The following TAB2 variants were observed in gnomAD, a reference collection of about 807,000 sequenced individuals.
TAB2 encodes the protein TGF-beta activated kinase 1 (MAP3K7) binding protein 2.
TAB2 carries 3 observed loss-of-function variants against 65.0 expected under a neutral mutation model. The observed-to-expected ratio is 0.05, with a 90% confidence interval of 0.02 to 0.12. The LOEUF is 0.12. Ranked by LOEUF, TAB2 falls within the 10% of genes least tolerant of loss-of-function variation. The probability of loss-of-function intolerance (pLI) is 1.00; values close to 1 mark genes in which losing one functional copy is unlikely to be tolerated. For synonymous variants in TAB2, 298 were observed against 285.1 expected, an observed-to-expected ratio of 1.05 and a Z score of -0.46; for missense variants, 623 against 840.3, an observed-to-expected ratio of 0.74 and a Z score of 3.20.
In TAB2 at chr6:149,400,679, A is replaced by G. The variant is rs200127080; in HGVS notation, c.1939+1495A>G. 51 of 1,613,388 alleles carry G rather than the reference A, an allele frequency of 3.2e-5. No individual in the cohort carries two copies. The African/African-American group carries it at 6.0e-4, about 19-fold the overall frequency. ...AACAGCCTACGGGAGGTGTCTACTG[A>G]AAAGGGAACCTGCTTCTTTACTCCA... On this transcript the variant is annotated intron_variant, in intron 6 of 6. Coordinates refer to ENST00000637181, the MANE Select transcript of TAB2 (RefSeq NM_001292034.3).
rs546979934 is a variant in TAB2, at chr6:149,286,731, G to A, written c.-121+67955G>A. Among the ~76,000 whole-genome samples the A allele has an allele frequency of 8.7e-4, 133 of 152,272 alleles. 1 individual carries two copies. Among genetic ancestry groups the A allele is most frequent in the East Asian group, 2.1e-3 (11 of 5,190 alleles). On this transcript the variant is annotated intron_variant, in intron 1 of 1. Transcript: ENST00000606202. ...GTATCAAGCTATGATTTCAATATAC[G>A]TTGGCATATTTAGCAGCTCTTAAAA...
intron 3 of TAB2, among the ~76,000 whole-genome samples, chr6:149,392,094 T>C (rs1334014141): frequency 6.7e-6 from 1 of 148,652 alleles, no homozygotes; most frequent in East Asian, 2.0e-4. Context: ...TTTCTTTGTT[T>C]ATGCAGACCT....
At chr6:149,224,033 C>T (rs1777215031) in intron 1 of TAB2, among the ~76,000 whole-genome samples, 1 of 152,184 alleles carries the variant, frequency 6.6e-6, no homozygotes, top group African/African-American at 2.4e-5. Context: ...GCCAAAACTT[C>T]ATCTTTTCAG....
At chr6:149,334,889 T>C (rs1779888153) in intron 1 of TAB2, among the ~76,000 whole-genome samples, 1 of 152,154 alleles carries the variant, frequency 6.6e-6, no homozygotes, top group Non-Finnish European at 1.5e-5. Flanking sequence ...CAGAAGCATG[T>C]CATTTATAAT....
intron 1 of TAB2, among the ~76,000 whole-genome samples, chr6:149,249,783 T>G (rs1777822414): frequency 6.6e-6 from 1 of 152,224 alleles, no homozygotes; most frequent in Non-Finnish European, 1.5e-5. Context: ...AGTCAGTAAC[T>G]GCCTACTTGG....
intron 1 of TAB2, among the ~76,000 whole-genome samples, chr6:149,330,887 T>C (rs1779762885): frequency 6.6e-6 from 1 of 152,170 alleles, no homozygotes; most frequent in Non-Finnish European, 1.5e-5. Flanking sequence ...CTATCCTTCC[T>C]TTATTGAATT....
chr6:149,369,765 G>A (rs1781158677), intron 1 of TAB2, 144 bp from the exon 2 acceptor site: 1 of 600,442 alleles, frequency 1.7e-6, no homozygotes, highest in African/African-American at 1.9e-5. Flanking sequence ...ATAACTATAT[G>A]GAAAGCATTT....
At chr6:149,334,911 T>C (rs1779888747) in intron 1 of TAB2, among the ~76,000 whole-genome samples, 1 of 152,116 alleles carries the variant, frequency 6.6e-6, no homozygotes, top group Non-Finnish European at 1.5e-5. Context: ...AACAGAGAAA[T>C]ACATTAGTGA....
chr6:149,399,765 A>G (rs561682914), intron 6 of TAB2, among the ~76,000 whole-genome samples: 3 of 152,336 alleles, frequency 2.0e-5, no homozygotes, highest in Non-Finnish European at 2.9e-5. Context: ...AGGTAAAAAT[A>G]TAGACATATT....
At chr6:149,331,337 T>C (rs1779776669) in intron 1 of TAB2, among the ~76,000 whole-genome samples, 1 of 152,192 alleles carries the variant, frequency 6.6e-6, no homozygotes, top group Non-Finnish European at 1.5e-5. Context: ...ATACTGTGTT[T>C]TTAATTCTGA....
intron 1 of TAB2, among the ~76,000 whole-genome samples, chr6:149,248,804 G>A (rs1044829222): frequency 1.3e-5 from 2 of 152,102 alleles, no homozygotes; most frequent in African/African-American, 2.4e-5. Context: ...GGCCTGTTTT[G>A]TGAGCTGTGT....
chr6:149,340,721 T>G (rs1423625613), intron 1 of TAB2, among the ~76,000 whole-genome samples: 1 of 152,162 alleles, frequency 6.6e-6, no homozygotes, highest in African/African-American at 2.4e-5. Context: ...CCTTTCCCCT[T>G]CTTTCTGAGG....
intron 2 of TAB2, among the ~76,000 whole-genome samples, chr6:149,373,592 G>A (rs1367365294): frequency 6.6e-6 from 1 of 152,178 alleles, no homozygotes; most frequent in Non-Finnish European, 1.5e-5. Flanking sequence ...GAATGCCATA[G>A]GGTATATATG....
chr6:149,379,153 C>G lies in TAB2; in HGVS notation c.1238C>G (p.Ser413Cys). ...NQPTLFISTN[S>C]GASAASRNMS... ...CCCACACTCTTCATATCCACAAACT[C>G]TGGAGCATCTGCTGCCTCCAGGAAC... Residue 413 changes from serine to cysteine, a missense_variant, in exon 3 of 7, where the codon TCT becomes TGT. By Grantham distance (112) the Ser-to-Cys change is moderately radical (BLOSUM62 -1). Coordinates refer to ENST00000637181, the MANE Select transcript of TAB2 (RefSeq NM_001292034.3). 6.2e-7 allele frequency: 1 copy of G among 1,614,242 alleles called. No individual in the cohort carries two copies. The highest frequency in any genetic ancestry group is 8.5e-7 in the Non-Finnish European group (1 of 1,180,046).
At chr6:149,394,114 T>C (rs1782088138) in intron 3 of TAB2, among the ~76,000 whole-genome samples, 1 of 152,174 alleles carries the variant, frequency 6.6e-6, no homozygotes, top group Admixed American at 6.5e-5. Context: ...TAAGTTTTTT[T>C]TGTTCTTTTT....
At chr6:149,332,740 G>A (rs994798935) in intron 1 of TAB2, among the ~76,000 whole-genome samples, 4 of 152,112 alleles carry the variant, frequency 2.6e-5, no homozygotes, top group Admixed American at 6.6e-5. Context: ...ATGAAAAACA[G>A]GAATGTAAAA....
intron 1 of TAB2, among the ~76,000 whole-genome samples, chr6:149,219,884 C>T (rs903273329): frequency 6.6e-6 from 1 of 152,186 alleles, no homozygotes. Flanking sequence ...CCTCTTTACG[C>T]TCTTAAAAAT....
chr6:149,313,656 T>C (rs1474236374), upstream of TAB2, among the ~76,000 whole-genome samples: 5 of 152,224 alleles, frequency 3.3e-5, no homozygotes, highest in Non-Finnish European at 5.9e-5. Context: ...TTTCCTCCCA[T>C]AACTTCTTCT....
chr6:149,346,278 A>G (rs1466974739), intron 1 of TAB2, among the ~76,000 whole-genome samples: 1 of 152,068 alleles, frequency 6.6e-6, no homozygotes, highest in East Asian at 1.9e-4. Context: ...GCATGCACAC[A>G]CACACACCCC....
Sources: allele counts gnomAD v4.1 joint callset (sites outside exome capture counted in the v4.1 genomes callset), GRCh38; gene constraint gnomAD v4.1.1; transcripts MANE v1.5; gene names NCBI Gene and HGNC (gene_info 2026-07-23, HGNC 2026-07-21).